Variants in EPB41 observed in about 807,000 individuals in gnomAD.
The protein encoded by EPB41 is protein 4.1.
In EPB41, 65 loss-of-function variants were observed where a neutral mutation model predicts 108.0. The ratio of observed to expected loss-of-function variants is 0.60; its 90% CI spans 0.49 to 0.74. The LOEUF (loss-of-function observed/expected upper bound fraction) is 0.74, where lower values mean the gene tolerates loss of function less well. EPB41 is among the 30% of genes least tolerant of loss of function. The probability of loss-of-function intolerance (pLI) is 0.00; values close to 1 mark genes in which losing one functional copy is unlikely to be tolerated. For missense variants in EPB41, 875 were observed against 1,037.0 expected (o/e 0.84, Z 2.15); for synonymous variants, 336 against 358.9 (o/e 0.94, Z 0.72).
chr1:28,926,111 G>T (rs921793507), intron 1 of EPB41, among the ~76,000 whole-genome samples: 7 of 151,734 alleles, frequency 4.6e-5, no homozygotes, highest in African/African-American at 1.7e-4. Context: ...TTGGGAGGCC[G>T]AGGCAGGTGG....
At chr1:28,915,731 C>CTTTTTTTTTTTTTTTTTTTTTTG (rs11321625) in intron 1 of EPB41, among the ~76,000 whole-genome samples, 1 of 56,074 alleles carries the variant, frequency 1.8e-5, no homozygotes, top group Non-Finnish European at 3.1e-5. Context: ...TTTTCAGATG[C>CTTTTTTTTTTTTTTTTTTTTTTG]TTTTTTTTTT....
chr1:29,098,009 G>A (rs1663824231), intron 17 of EPB41, 74 bp downstream of exon 17: 1 of 1,600,468 alleles, frequency 6.2e-7, no homozygotes, highest in African/African-American at 1.3e-5. Flanking sequence ...AGAGTTTCTA[G>A]TCATTTATCG....
chr1:29,011,144 A>G (rs1327525798), intron 4 of EPB41, among the ~76,000 whole-genome samples: 3 of 151,288 alleles, frequency 2.0e-5, no homozygotes, highest in Non-Finnish European at 2.9e-5. Flanking sequence ...AAAAAGAAAA[A>G]AAAGAAAAGA....
At chr1:29,025,480 T>G (rs1176819623) in intron 7 of EPB41, among the ~76,000 whole-genome samples, 1 of 152,008 alleles carries the variant, frequency 6.6e-6, no homozygotes, top group African/African-American at 2.4e-5. Context: ...GACAGTACTT[T>G]TAATGGTTTA....
chr1:28,963,273 A>G (rs1413901709), intron 1 of EPB41, among the ~76,000 whole-genome samples: 2 of 151,878 alleles, frequency 1.3e-5, no homozygotes, highest in Non-Finnish European at 2.9e-5. Flanking sequence ...GAAACAACTG[A>G]CTTTTGAGAA....
intron 1 of EPB41, among the ~76,000 whole-genome samples, chr1:28,980,410 GA>G (rs966323080): frequency 6.6e-6 from 1 of 151,486 alleles, no homozygotes; most frequent in Non-Finnish European, 1.5e-5. Flanking sequence ...GGAGGGTTGA[GA>G]AAAAAAATAA....
At chr1:28,934,666 TTGTGTGTGTGTGTG>T (rs1204147204) in intron 1 of EPB41, among the ~76,000 whole-genome samples, 6 of 136,306 alleles carry the variant, frequency 4.4e-5, no homozygotes, top group Admixed American at 7.3e-5. Flanking sequence ...TCTTTTGACA[TTGTGTGTGTGTGTG>T]TGTGTGTGTG....
intron 1 of EPB41, among the ~76,000 whole-genome samples, chr1:28,937,884 CAG>C (rs1008060150): frequency 2.0e-5 from 3 of 152,190 alleles, no homozygotes; most frequent in African/African-American, 7.2e-5. Context: ...TGAGGTGAGA[CAG>C]GGGTCTGTCT....
At chr1:28,960,980 G>A (rs866102711) in intron 1 of EPB41, among the ~76,000 whole-genome samples, 1 of 149,268 alleles carries the variant, frequency 6.7e-6, no homozygotes. Context: ...GTTGCAGTGA[G>A]CCGAGATAGT....
At chr1:29,075,912 C>T (rs572622993) in intron 16 of EPB41, among the ~76,000 whole-genome samples, 1 of 152,286 alleles carries the variant, frequency 6.6e-6, no homozygotes, top group East Asian at 1.9e-4. Flanking sequence ...TCTGCAATAT[C>T]ATTTAGAGAT....
rs776560225 is a variant in EPB41, at chr1:29,065,064, C to T, written c.2090C>T (p.Pro697Leu). ...AAAAAGAACTTCATGGAGTCTGTAC[C>T]AGAACCACGGCCTAGTGAATGGGAT... is the stretch of plus-strand genomic sequence containing the variant. ...ELKKNFMESV[P>L]EPRPSEWDKR... is the part of the protein sequence containing the mutation. The change falls in exon 16 of 21, where the codon CCA becomes CTA. Residue 697 changes from proline to leucine, a missense_variant. Transcript: ENST00000343067. The T allele has an allele frequency of 6.2e-7, 1 of 1,614,136 alleles. No homozygotes were observed. Among genetic ancestry groups the T allele is most frequent in the Non-Finnish European group, 8.5e-7 (1 of 1,180,010 alleles).
At chr1:28,926,321 A>C (rs2093442609) in intron 1 of EPB41, among the ~76,000 whole-genome samples, 1 of 152,228 alleles carries the variant, frequency 6.6e-6, no homozygotes, top group South Asian at 2.1e-4. Flanking sequence ...GGTTATTTTG[A>C]TGATTAAATG....
At chr1:29,019,740 G>A (rs1356060868) in intron 7 of EPB41, among the ~76,000 whole-genome samples, 2 of 152,166 alleles carry the variant, frequency 1.3e-5, no homozygotes, top group Non-Finnish European at 2.9e-5. Flanking sequence ...GAATAGGATT[G>A]CATGGATTGG....
intron 16 of EPB41, chr1:29,096,783 T>A (rs1226562737): frequency 6.0e-6 from 1 of 166,294 alleles, no homozygotes; most frequent in Non-Finnish European, 1.2e-5. Context: ...ATTAACTGCA[T>A]GGCTAGAAAT....
chr1:28,888,812 A>G, intron 1 of EPB41, among the ~76,000 whole-genome samples: 1 of 151,866 alleles, frequency 6.6e-6, no homozygotes. Flanking sequence ...TATTTTTAGT[A>G]GAGACGGGGA....
intron 1 of EPB41, among the ~76,000 whole-genome samples, chr1:28,943,058 G>C (rs1354926435): frequency 6.6e-6 from 1 of 151,936 alleles, no homozygotes; most frequent in Admixed American, 6.6e-5. Flanking sequence ...ATTATAATAG[G>C]AATATTAACT....
chr1:29,091,062 G>T (rs539584687), intron 16 of EPB41, among the ~76,000 whole-genome samples: 32 of 152,226 alleles, frequency 2.1e-4, no homozygotes, highest in African/African-American at 7.5e-4. Context: ...TATCATTGTT[G>T]TCTTCTACAC....
intron 16 of EPB41, among the ~76,000 whole-genome samples, chr1:29,089,002 A>T (rs2151380163): frequency 6.6e-6 from 1 of 152,314 alleles, no homozygotes; most frequent in South Asian, 2.1e-4. Flanking sequence ...GTCCTACTTG[A>T]AATACCTTCT....
chr1:28,982,076 G>A (rs2095762427), intron 1 of EPB41, among the ~76,000 whole-genome samples: 1 of 151,422 alleles, frequency 6.6e-6, no homozygotes, highest in African/African-American at 2.4e-5. Flanking sequence ...CCCGGTGTGT[G>A]ATGTTCCCCT....
Sources: gnomAD v4.1 joint callset for allele counts (sites outside exome capture counted in the v4.1 genomes callset) on GRCh38, gnomAD v4.1.1 for gene constraint, MANE v1.5 for transcripts, NCBI Gene and HGNC (gene_info 2026-07-23, HGNC 2026-07-21) for gene names.